NSUN6: variants seen among roughly 807,000 people sequenced by gnomAD.
NSUN6 encodes the protein tRNA (cytosine(72)-C(5))-methyltransferase NSUN6.
A neutral mutation model predicts 58.0 loss-of-function variants in NSUN6; 64 were observed. That is an observed-to-expected ratio of 1.10 (90% CI 0.90 to 1.36). The LOEUF is 1.36. NSUN6 is among the 40% of genes most tolerant of loss of function. NSUN6 has a pLI of 0.00. For synonymous variants in NSUN6, 231 were observed against 193.9 expected (o/e 1.19, Z -1.59); for missense variants, 701 against 550.1 (o/e 1.27, Z -2.74).
intron 8 of NSUN6, among the ~76,000 whole-genome samples, chr10:18,567,973 TC>T (rs2056089292): frequency 6.6e-6 from 1 of 150,780 alleles, no homozygotes; most frequent in African/African-American, 2.4e-5. Flanking sequence ...TCCATTCCAT[TC>T]CCCATTCCAT....
chr10:18,628,989 C>G (rs539739504), intron 3 of NSUN6, among the ~76,000 whole-genome samples: 1 of 152,028 alleles, frequency 6.6e-6, no homozygotes, highest in African/African-American at 2.4e-5. Flanking sequence ...AAAAAATGTT[C>G]AGGGCAGCCA....
At position 18,564,347 on chromosome 10, in the gene NSUN6, C is replaced by T. The variant is rs554228559; in HGVS notation, c.923-12376G>A. ...TTCCTTTCCATTCTCCATTGCATTCCATTCTCCATCTGTTACATTCTCCAT... is the reference window on the plus strand; with the variant it reads ...TTCCTTTCCATTCTCCATTGCATTCTATTCTCCATCTGTTACATTCTCCAT... On this transcript the variant is annotated intron_variant, in intron 8 of 10. Transcript: ENST00000377304. Among the ~76,000 whole-genome samples, 17 of 150,688 alleles carry T rather than the reference C, an allele frequency of 1.1e-4. No individual in the cohort carries two copies. The South Asian group carries it at 3.6e-3, about 32-fold the overall frequency.
chr10:18,598,647 A>AT (rs566736565), intron 6 of NSUN6, among the ~76,000 whole-genome samples: 190 of 152,120 alleles, frequency 1.2e-3, no homozygotes, highest in African/African-American at 4.2e-3. Context: ...AATTCTTTGT[A>AT]TTTTTTTGTA....
chr10:18,633,638 A>G (rs7084525), intron 3 of NSUN6, among the ~76,000 whole-genome samples: 84,837 of 151,282 alleles, frequency 0.56, 24,264 homozygotes, highest in East Asian at 0.97. Flanking sequence ...GCACTTAGTG[A>G]AAAAAAAATC....
At chr10:18,565,669 C>G (rs1334282131) in intron 8 of NSUN6, among the ~76,000 whole-genome samples, 1 of 151,396 alleles carries the variant, frequency 6.6e-6, no homozygotes, top group African/African-American at 2.4e-5. Context: ...CCACTACATT[C>G]CATTCCATTC....
chr10:18,628,120 G>C (rs898534517), intron 3 of NSUN6, among the ~76,000 whole-genome samples: 1 of 152,174 alleles, frequency 6.6e-6, no homozygotes, highest in Non-Finnish European at 1.5e-5. Flanking sequence ...CAGCCTAACT[G>C]GGAGGCACCC....
rs780514060 is a variant in NSUN6 at position 18,596,238 on chromosome 10, T to A, written c.747A>T (p.Thr249=). The change falls in exon 7 of 11, where the codon ACA becomes ACT. Residue 249 remains threonine, a synonymous_variant. Coordinates refer to ENST00000377304, the MANE Select transcript of NSUN6 (RefSeq NM_182543.5). ...CATGCATTAGTGCTGCAATGTGTGT[T>A]GTTTTCCCTCCAGGTGCTGCACACA... ...LDLCAAPGGK[T]THIAALMHDQ... 7 of 1,611,828 alleles carry A rather than the reference T, an allele frequency of 4.3e-6. No individual in the cohort carries two copies. In the South Asian group the frequency reaches 5.5e-5, roughly 13 times the overall value.
chr10:18,562,351 C>T (rs933089450), intron 8 of NSUN6, among the ~76,000 whole-genome samples: 6 of 137,724 alleles, frequency 4.4e-5, no homozygotes, highest in East Asian at 4.4e-4. Flanking sequence ...GAATGGACTG[C>T]GAAACGGAAT....
intron 5 of NSUN6, among the ~76,000 whole-genome samples, chr10:18,612,055 G>A (rs1052716568): frequency 2.6e-5 from 4 of 152,056 alleles, no homozygotes; most frequent in African/African-American, 9.7e-5. Flanking sequence ...CCACTTCCAA[G>A]GCAAATATCC....
At chr10:18,573,193 A>C (rs12269605) in intron 8 of NSUN6, among the ~76,000 whole-genome samples, 3,953 of 147,744 alleles carry the variant, frequency 0.027, 167 homozygotes, top group African/African-American at 0.093. Flanking sequence ...TGCATTCTCC[A>C]TTCCACTCCA....
At chr10:18,568,472 T>C (rs117505500) in intron 8 of NSUN6, among the ~76,000 whole-genome samples, 4,366 of 150,538 alleles carry the variant, frequency 0.029, 233 homozygotes, top group South Asian at 0.17. Flanking sequence ...CCATTCTCCA[T>C]TGCATTCCAT....
At chr10:18,550,639 T>C (rs1271877592) in intron 9 of NSUN6, among the ~76,000 whole-genome samples, 1 of 152,156 alleles carries the variant, frequency 6.6e-6, no homozygotes, top group Non-Finnish European at 1.5e-5. Context: ...TTCTCCTATA[T>C]CCTACGCTGG....
chr10:18,644,844 A>T (rs1183134338), intron 2 of NSUN6, among the ~76,000 whole-genome samples: 1 of 149,636 alleles, frequency 6.7e-6, no homozygotes, highest in Non-Finnish European at 1.5e-5. Flanking sequence ...CGTCTCAAAA[A>T]AAAAACAAAA....
intron 6 of NSUN6, among the ~76,000 whole-genome samples, chr10:18,604,090 G>A (rs868456010): frequency 6.6e-5 from 10 of 152,258 alleles, no homozygotes; most frequent in Middle Eastern, 3.4e-3. Flanking sequence ...GCTGAAGCAG[G>A]AGAATCACTT....
intron 8 of NSUN6, among the ~76,000 whole-genome samples, chr10:18,576,029 G>C (rs11511084): frequency 4.0e-5 from 6 of 151,804 alleles, no homozygotes; most frequent in African/African-American, 1.2e-4. Context: ...ACCACAGTCC[G>C]TACAGCTGAG....
intron 10 of NSUN6, 27 bp from the exon 11 acceptor site, chr10:18,546,172 G>T: frequency 6.9e-7 from 1 of 1,454,962 alleles, no homozygotes; most frequent in Non-Finnish European, 9.7e-7. Flanking sequence ...GATCAATATG[G>T]ATGAACATCC....
chr10:18,634,691 G>A (rs1271205524), intron 3 of NSUN6, among the ~76,000 whole-genome samples: 2 of 152,138 alleles, frequency 1.3e-5, no homozygotes, highest in Non-Finnish European at 2.9e-5. Flanking sequence ...GAACCCAGGA[G>A]GCGGAGCTTG....
chr10:18,627,850 C>T (rs534023442), intron 3 of NSUN6, among the ~76,000 whole-genome samples: 5 of 152,376 alleles, frequency 3.3e-5, no homozygotes, highest in Admixed American at 2.6e-4. Context: ...AGCCATTGCC[C>T]AGGCTTGCTT....
chr10:18,607,236 T>G (rs2058079234), intron 6 of NSUN6, among the ~76,000 whole-genome samples: 1 of 152,222 alleles, frequency 6.6e-6, no homozygotes, highest in Non-Finnish European at 1.5e-5. Flanking sequence ...TCTTGAAACA[T>G]TTCAAATGCG....
Sources: allele counts gnomAD v4.1 joint callset (sites outside exome capture counted in the v4.1 genomes callset), GRCh38; gene constraint gnomAD v4.1.1; transcripts MANE v1.5; gene names NCBI Gene and HGNC (gene_info 2026-07-23, HGNC 2026-07-21).